The following ARHGAP42 variants were observed in gnomAD, a reference collection of about 807,000 sequenced individuals.
ARHGAP42 encodes Rho GTPase activating protein 42.
ARHGAP42 carries 63 observed loss-of-function variants against 125.0 expected under a neutral mutation model. The ratio of observed to expected loss-of-function variants is 0.50; its 90% CI spans 0.41 to 0.62. ARHGAP42 has a LOEUF of 0.62. Ranked by LOEUF, ARHGAP42 falls within the 20% of genes least tolerant of loss-of-function variation. The probability of loss-of-function intolerance (pLI) is 0.00; values close to 1 mark genes in which losing one functional copy is unlikely to be tolerated. For synonymous variants in ARHGAP42, 339 were observed against 351.0 expected, an observed-to-expected ratio of 0.97 and a Z score of 0.38; for missense variants, 766 against 1,024.2, an observed-to-expected ratio of 0.75 and a Z score of 3.44.
rs544363329 is a variant in ARHGAP42, at chr11:100,695,200, G to A, written c.154+7368G>A. Among the ~76,000 whole-genome samples, 19 of 152,320 alleles carry A rather than the reference G, an allele frequency of 1.2e-4. No homozygotes were observed. The South Asian group carries it at 3.9e-3, about 32-fold the overall frequency. On this transcript the variant is annotated intron_variant, in intron 1 of 23. Coordinates refer to ENST00000298815, the MANE Select transcript of ARHGAP42 (RefSeq NM_152432.4). The stretch of plus-strand genomic sequence containing the variant: ...CACCTTAATGGCCCTTGAAGCAAAG[G>A]AAAAGAGGCAGGATGATAACAGGGC...
At chr11:100,945,454 A>G (rs566726898) in intron 10 of ARHGAP42, among the ~76,000 whole-genome samples, 30 of 152,238 alleles carry the variant, frequency 2.0e-4, no homozygotes, top group Admixed American at 1.7e-3. Flanking sequence ...CTTTACCCAG[A>G]TCCATTAGAG....
Position 100,992,494 on chromosome 11 carries a change from T to C in ARHGAP42, c.*3693T>C. Reference sequence around the variant, plus strand: ...TGTTACCTTCCAAAATCAAGACACTTTTAAGAAACAAAGATAGTTTTCTGA... The same window carrying C: ...TGTTACCTTCCAAAATCAAGACACTCTTAAGAAACAAAGATAGTTTTCTGA... On this transcript the variant is annotated 3_prime_UTR_variant, in exon 24 of 24. Transcript: ENST00000298815. 1.9e-6 allele frequency: 3 copies of C among 1,614,128 alleles called. No homozygotes were observed. Among genetic ancestry groups the C allele is most frequent in the Non-Finnish European group, 2.5e-6 (3 of 1,179,970 alleles).
intron 12 of ARHGAP42, among the ~76,000 whole-genome samples, chr11:100,952,411 AT>A: frequency 6.6e-6 from 1 of 152,300 alleles, no homozygotes; most frequent in South Asian, 2.1e-4. Flanking sequence ...ATAAATGCAG[AT>A]TAAGTATTAT....
intron 22 of ARHGAP42, among the ~76,000 whole-genome samples, chr11:100,984,388 A>T (rs1858622093): frequency 7.7e-6 from 1 of 129,908 alleles, no homozygotes. Context: ...TGTGATTTTT[A>T]AAAATTTCCA....
At chr11:100,863,349 TC>T in intron 4 of ARHGAP42, among the ~76,000 whole-genome samples, 1 of 152,200 alleles carries the variant, frequency 6.6e-6, no homozygotes, top group Non-Finnish European at 1.5e-5. Context: ...GGTAGAATCT[TC>T]CACTGCAGTC....
At chr11:100,938,375 G>A (rs957221995) in intron 8 of ARHGAP42, among the ~76,000 whole-genome samples, 5 of 152,058 alleles carry the variant, frequency 3.3e-5, no homozygotes, top group African/African-American at 9.7e-5. Flanking sequence ...ACCCTTAGCA[G>A]TGTCTGAATT....
intron 3 of ARHGAP42, among the ~76,000 whole-genome samples, chr11:100,836,322 G>A (rs1452527914): frequency 6.6e-6 from 1 of 152,072 alleles, no homozygotes; most frequent in East Asian, 1.9e-4. Context: ...ACTGTTACTG[G>A]TTCCTGAAGG....
At chr11:100,754,885 A>T (rs543041125) in intron 1 of ARHGAP42, among the ~76,000 whole-genome samples, 1 of 152,308 alleles carries the variant, frequency 6.6e-6, no homozygotes, top group South Asian at 2.1e-4. Flanking sequence ...AATAATAAAA[A>T]AGTGCTGTGC....
At chr11:100,935,100 G>A (rs1867696242) in intron 7 of ARHGAP42, among the ~76,000 whole-genome samples, 1 of 151,390 alleles carries the variant, frequency 6.6e-6, no homozygotes, top group African/African-American at 2.4e-5. Flanking sequence ...GACAAAAATA[G>A]TGAAAGTGAC....
chr11:100,962,377 A>C, intron 15 of ARHGAP42, 32 bp from the exon 16 acceptor site: 2 of 1,530,304 alleles, frequency 1.3e-6, no homozygotes, highest in Non-Finnish European at 8.9e-7. Context: ...AGATTCTACT[A>C]TTCTAACATG....
At chr11:100,727,789 T>C (rs944559240) in intron 1 of ARHGAP42, among the ~76,000 whole-genome samples, 6 of 152,202 alleles carry the variant, frequency 3.9e-5, no homozygotes, top group Non-Finnish European at 7.3e-5. Context: ...TCGACAGTAG[T>C]ACATACATTG....
intron 1 of ARHGAP42, among the ~76,000 whole-genome samples, chr11:100,691,181 T>C (rs946100631): frequency 2.0e-5 from 3 of 152,228 alleles, no homozygotes; most frequent in Admixed American, 2.0e-4. Context: ...TTTTAGTTAA[T>C]GGTGTATGAC....
intron 4 of ARHGAP42, among the ~76,000 whole-genome samples, chr11:100,882,749 A>G (rs1046680452): frequency 1.3e-5 from 2 of 151,772 alleles, no homozygotes; most frequent in Non-Finnish European, 2.9e-5. Flanking sequence ...TGTTGGTAAT[A>G]ATTACCATTT....
At chr11:100,735,351 G>T (rs1591137103) in intron 1 of ARHGAP42, among the ~76,000 whole-genome samples, 1 of 152,096 alleles carries the variant, frequency 6.6e-6, no homozygotes, top group Non-Finnish European at 1.5e-5. Flanking sequence ...TATTTAAGAG[G>T]CTTGCTTTGT....
intron 3 of ARHGAP42, among the ~76,000 whole-genome samples, chr11:100,816,128 C>A (rs1045336172): frequency 1.3e-5 from 2 of 152,128 alleles, no homozygotes; most frequent in Non-Finnish European, 2.9e-5. Flanking sequence ...ACAAATATGT[C>A]TTTGAGACCC....
rs1374463395 is a variant in ARHGAP42 at position 100,830,533 on chromosome 11, C to T, written c.313-29021C>T. Among the ~76,000 whole-genome samples the T allele has an allele frequency of 3.3e-5, 5 of 152,218 alleles. No homozygotes were observed. The South Asian group carries it at 8.3e-4, about 25-fold the overall frequency. The stretch of plus-strand genomic sequence containing the variant: ...GATATGCATGATGTCAGGCTTGCTG[C>T]GGACCTACTGAACAAGAAGCTGCAG... On this transcript the variant is annotated intron_variant, in intron 3 of 23. Coordinates refer to ENST00000298815, the MANE Select transcript of ARHGAP42 (RefSeq NM_152432.4).
chr11:100,762,218 G>A (rs1299750231), intron 1 of ARHGAP42, among the ~76,000 whole-genome samples: 1 of 152,154 alleles, frequency 6.6e-6, no homozygotes, highest in Non-Finnish European at 1.5e-5. Context: ...GAATGAGACT[G>A]CCTAAAGCTA....
intron 3 of ARHGAP42, chr11:100,840,079 TAAAG>T (rs1864909846): frequency 6.6e-6 from 1 of 152,208 alleles, no homozygotes; most frequent in East Asian, 1.9e-4. Context: ...CTAGGGCTTA[TAAAG>T]AAAGTAGTGT....
chr11:100,877,773 G>T (rs929372501), intron 4 of ARHGAP42, among the ~76,000 whole-genome samples: 1 of 152,068 alleles, frequency 6.6e-6, no homozygotes, highest in Non-Finnish European at 1.5e-5. Context: ...TTGGGAGGCT[G>T]AGGCAGGCAG....
Sources: allele counts gnomAD v4.1 joint callset (sites outside exome capture counted in the v4.1 genomes callset), GRCh38; gene constraint gnomAD v4.1.1; transcripts MANE v1.5; gene names NCBI Gene and HGNC (gene_info 2026-07-23, HGNC 2026-07-21).